Variants in ZNF600 observed in about 807,000 individuals in gnomAD.
ZNF600 encodes zinc finger protein KR-ZNF1.
In ZNF600, 4 loss-of-function variants were observed where a neutral mutation model predicts 7.3. The ratio of observed to expected loss-of-function variants is 0.55; its 90% CI spans 0.27 to 1.25. ZNF600 has a LOEUF of 1.25. Ranked by LOEUF, ZNF600 falls within the 50% of genes most tolerant of loss-of-function variation. The pLI, the probability that ZNF600 is intolerant of heterozygous loss-of-function variation, is 0.12. For missense variants in ZNF600, 911 were observed against 922.1 expected (o/e 0.99, Z 0.16); for synonymous variants, 290 against 308.9 (o/e 0.94, Z 0.64).
the ZNF600 span, among the ~76,000 whole-genome samples, chr19:52,832,377 A>G: frequency 1.3e-5 from 2 of 151,994 alleles, no homozygotes; most frequent in Non-Finnish European, 2.9e-5. Context: ...GAAAAAACAC[A>G]AGGTCAGGAG....
At chr19:52,797,201 A>C in the ZNF600 span, among the ~76,000 whole-genome samples, 134,137 of 152,206 alleles carry the variant, frequency 0.88, 59,338 homozygotes, top group Middle Eastern at 0.9. Context: ...AAATCCTACC[A>C]AAAATAGTTA....
At chr19:52,775,420 C>T (rs893253936) in intron 2 of ZNF600, among the ~76,000 whole-genome samples, 3 of 151,018 alleles carry the variant, frequency 2.0e-5, no homozygotes, top group East Asian at 2.0e-4. Flanking sequence ...TGTCGTGGTG[C>T]AGGCCTGTAC....
the ZNF600 span, chr19:52,809,930 C>A: frequency 2.3e-6 from 2 of 862,208 alleles, no homozygotes; most frequent in East Asian, 2.7e-5. Context: ...GTGGGGAGGC[C>A]GGGGAGGTTG....
chr19:52,821,394 C>T, the ZNF600 span, among the ~76,000 whole-genome samples: 1 of 152,046 alleles, frequency 6.6e-6, no homozygotes, highest in Non-Finnish European at 1.5e-5. Flanking sequence ...AGACCCGGGA[C>T]GGGACCAGCC....
At chr19:52,771,322 CT>C (rs2062628494) in intron 3 of ZNF600, among the ~76,000 whole-genome samples, 1 of 151,980 alleles carries the variant, frequency 6.6e-6, no homozygotes, top group Admixed American at 6.6e-5. Context: ...ATTTCTATGT[CT>C]TAAGCTTTCA....
At chr19:52,829,701 G>A in the ZNF600 span, among the ~76,000 whole-genome samples, 35 of 152,076 alleles carry the variant, frequency 2.3e-4, no homozygotes, top group East Asian at 5.8e-4. Flanking sequence ...CAGTAGATTC[G>A]AGGATTCACC....
chr19:52,791,939 C>A, the ZNF600 span, among the ~76,000 whole-genome samples: 3 of 152,236 alleles, frequency 2.0e-5, no homozygotes, highest in African/African-American at 7.2e-5. Flanking sequence ...AAATGGAGGA[C>A]TCAGAGCTTC....
the ZNF600 span, chr19:52,799,978 T>A: frequency 6.2e-6 from 10 of 1,608,230 alleles, no homozygotes; most frequent in Non-Finnish European, 8.5e-6. Context: ...CGATGGATTA[T>A]AAGCGATGAT....
At chr19:52,809,916 G>C in the ZNF600 span, 2 of 845,498 alleles carry the variant, frequency 2.4e-6, no homozygotes, top group African/African-American at 3.3e-5. Flanking sequence ...TGTGCCCGGG[G>C]CCGGTGGGGA....
In ZNF600 at chr19:52,777,767, T is replaced by C. The variant is rs149513512; in HGVS notation, c.63+1059A>G. Among the ~76,000 whole-genome samples, 833 of 151,812 alleles carry C rather than the reference T, an allele frequency of 5.5e-3. 6 individuals are homozygous for C. Among genetic ancestry groups the C allele is most frequent in the African/African-American group, 0.019 (783 of 41,400 alleles). ...TTGCTTGAAACTGGGAGATGGAGGT[T>C]GCAGTGAGCCGAGATCATTCCATTG... On this transcript the variant is annotated intron_variant, in intron 2 of 3. Coordinates refer to ENST00000648973, the Ensembl canonical transcript of ZNF600.
intron 3 of ZNF600, 27 bp from the exon 6 acceptor site, chr19:52,767,799 T>C: frequency 6.5e-7 from 1 of 1,529,304 alleles, no homozygotes; most frequent in Non-Finnish European, 8.7e-7. Context: ...ACAATAGGTT[T>C]CCAATTAAGT....
At chr19:52,786,255 C>G (rs1396917755) in intron 1 of ZNF600, among the ~76,000 whole-genome samples, 2 of 152,120 alleles carry the variant, frequency 1.3e-5, no homozygotes, top group African/African-American at 4.8e-5. Flanking sequence ...GCAGCAGGGC[C>G]CGGCACCAGG....
chr19:52,822,487 A>G, the ZNF600 span, among the ~76,000 whole-genome samples: 1 of 152,196 alleles, frequency 6.6e-6, no homozygotes, highest in Non-Finnish European at 1.5e-5. Context: ...AATAAGAACT[A>G]TTCTATTAAT....
the ZNF600 span, among the ~76,000 whole-genome samples, chr19:52,811,729 C>T: frequency 6.1e-5 from 9 of 148,206 alleles, no homozygotes; most frequent in African/African-American, 1.5e-4. Context: ...GGAGCGTCTC[C>T]GCCCGGCAGC....
chr19:52,788,155 G>A (rs544171144), upstream of ZNF600, among the ~76,000 whole-genome samples: 3 of 152,308 alleles, frequency 2.0e-5, no homozygotes, highest in Admixed American at 6.5e-5. Flanking sequence ...CCAAGCTCAT[G>A]TCACTAGGTT....
chr19:52,830,639 A>G, the ZNF600 span, among the ~76,000 whole-genome samples: 62,523 of 151,544 alleles, frequency 0.41, 15,368 homozygotes, highest in Non-Finnish European at 0.57. Context: ...CACTGATTTA[A>G]GCAGCCTCCT....
At chr19:52,832,672 G>T in the ZNF600 span, among the ~76,000 whole-genome samples, 4 of 152,286 alleles carry the variant, frequency 2.6e-5, no homozygotes, top group South Asian at 8.3e-4. Flanking sequence ...GGAGGCTGAA[G>T]TGGGGATTAC....
chr19:52,810,739 A>G, the ZNF600 span: 1 of 694,262 alleles, frequency 1.4e-6, no homozygotes, highest in Non-Finnish European at 2.6e-6. Context: ...GAGAGGAAAA[A>G]AAGAGGAAAG....
At chr19:52,802,236 G>A in the ZNF600 span, among the ~76,000 whole-genome samples, 1 of 152,146 alleles carries the variant, frequency 6.6e-6, no homozygotes, top group East Asian at 1.9e-4. Flanking sequence ...AGGTATGGTG[G>A]CCCGTGCCTG....
Sources: gnomAD v4.1 joint callset for allele counts (sites outside exome capture counted in the v4.1 genomes callset) on GRCh38, gnomAD v4.1.1 for gene constraint, MANE v1.5 for transcripts, NCBI Gene and HGNC (gene_info 2026-07-23, HGNC 2026-07-21) for gene names.